Variants in NCAM2 observed in about 807,000 individuals in gnomAD.
NCAM2 encodes N-CAM-2.
NCAM2 carries 30 observed loss-of-function variants against 98.1 expected under a neutral mutation model. The ratio of observed to expected loss-of-function variants is 0.31; its 90% CI spans 0.23 to 0.41. The LOEUF (loss-of-function observed/expected upper bound fraction) is 0.41, where lower values mean the gene tolerates loss of function less well. NCAM2 is among the 10% of genes least tolerant of loss of function. NCAM2 has a pLI of 1.00. For missense variants in NCAM2, 867 were observed against 1,005.8 expected (o/e 0.86, Z 1.87); for synonymous variants, 368 against 342.4 (o/e 1.07, Z -0.83).
chr21:21,373,354 C>A (rs1316464569), intron 8 of NCAM2, among the ~76,000 whole-genome samples: 1 of 151,534 alleles, frequency 6.6e-6, no homozygotes, highest in Non-Finnish European at 1.5e-5. Flanking sequence ...ATTTTTAATA[C>A]AATATGAAAT....
At chr21:21,221,986 C>T (rs763836496) in intron 1 of NCAM2, among the ~76,000 whole-genome samples, 2 of 152,032 alleles carry the variant, frequency 1.3e-5, no homozygotes, top group Non-Finnish European at 2.9e-5. Flanking sequence ...AATTTGAAGC[C>T]AATGCTTATT....
chr21:21,444,279 T>C (rs537329075), intron 12 of NCAM2, among the ~76,000 whole-genome samples: 4 of 152,314 alleles, frequency 2.6e-5, no homozygotes, highest in African/African-American at 9.6e-5. Flanking sequence ...ATCAGGGATA[T>C]TGGCGTGAAG....
chr21:21,413,493 G>C (rs2076928183), intron 10 of NCAM2, among the ~76,000 whole-genome samples: 1 of 152,082 alleles, frequency 6.6e-6, no homozygotes, highest in Non-Finnish European at 1.5e-5. Context: ...ATTTTTAGCT[G>C]GATACAGATA....
chr21:21,474,404 T>C (rs1397601184), intron 14 of NCAM2, among the ~76,000 whole-genome samples: 1 of 152,154 alleles, frequency 6.6e-6, no homozygotes, highest in Non-Finnish European at 1.5e-5. Flanking sequence ...TGCCTTGTGT[T>C]TGTACAGAAG....
chr21:21,345,941 A>T (rs2075174973), intron 8 of NCAM2, among the ~76,000 whole-genome samples: 1 of 152,102 alleles, frequency 6.6e-6, no homozygotes, highest in Non-Finnish European at 1.5e-5. Context: ...CACCAGAGAA[A>T]ATCACCCTCA....
At chr21:21,044,924 G>A (rs1601189265) in intron 1 of NCAM2, among the ~76,000 whole-genome samples, 1 of 152,048 alleles carries the variant, frequency 6.6e-6, no homozygotes, top group South Asian at 2.1e-4. Context: ...ATGCATGTTT[G>A]TATGTATGTG....
In NCAM2 at chr21:21,530,295, TAATTA is replaced by T. The variant is rs1193651568; in HGVS notation, c.2283-4231_2283-4227del. On this transcript the variant is annotated intron_variant, in intron 16 of 17. Transcript: ENST00000400546. ...ATATATAATTTAATTTAATTATATA[TAATTA>T]AATTAAATTATATATAATTAAATTA... 8.0e-4 allele frequency among the ~76,000 whole-genome samples: 78 copies of T among 97,992 alleles called. 1 individual carries two copies. The highest frequency in any genetic ancestry group is 1.0e-3 in the South Asian group (3 of 3,010). 64.3% of individuals were successfully genotyped at this position (97,992 alleles called of 152,430 possible). A position where few individuals can be genotyped will look rare whatever the true frequency, so the allele number is the denominator to read the frequency against.
At chr21:21,437,116 T>C (rs1978471473) in intron 12 of NCAM2, among the ~76,000 whole-genome samples, 1 of 152,054 alleles carries the variant, frequency 6.6e-6, no homozygotes, top group African/African-American at 2.4e-5. Context: ...AAAGTGTTTA[T>C]GAGAGATTAA....
Position 21,418,390 on chromosome 21 carries a change from G to A in NCAM2, c.1384-83G>A, listed in dbSNP as rs191262226. ...TTGTTGGGTAAAAAATGAAATGTGT[G>A]AAAGTGGTAGTCATACTGGGGTTTA... On this transcript the variant is annotated intron_variant, in intron 10 of 17. Coordinates refer to ENST00000400546, the MANE Select transcript of NCAM2 (RefSeq NM_004540.5). 3 of 954,684 alleles carry A rather than the reference G, an allele frequency of 3.1e-6. No homozygotes were observed. In the African/African-American group the frequency reaches 4.9e-5, roughly 16 times the overall value. 59.1% of individuals were successfully genotyped at this position (954,684 alleles called of 1,614,324 possible). A position where few individuals can be genotyped will look rare whatever the true frequency, so the allele number is the denominator to read the frequency against.
chr21:21,486,284 A>G (rs1014563386), intron 15 of NCAM2, among the ~76,000 whole-genome samples: 9 of 139,886 alleles, frequency 6.4e-5, no homozygotes, highest in Non-Finnish European at 1.2e-4. Context: ...AGCCTGGGCA[A>G]CAGAGCGAGA....
In NCAM2 at chr21:21,530,202, T is replaced by C. The variant is rs1357032343; in HGVS notation, c.2283-4335T>C. ...TATATGATTTAATTTAATTTAATTA[T>C]ATATAATTTAATTTAATTTAATTAT... is the stretch of plus-strand genomic sequence containing the variant. On this transcript the variant is annotated intron_variant, in intron 16 of 17. Coordinates refer to ENST00000400546, the MANE Select transcript of NCAM2 (RefSeq NM_004540.5). Among the ~76,000 whole-genome samples, 33 of 76,156 alleles carry C rather than the reference T, an allele frequency of 4.3e-4. No individual in the cohort carries two copies. The South Asian group carries it at 0.01, about 23-fold the overall frequency. The allele number at this position is 76,156 out of a possible 152,430, so 50.0% of individuals were successfully genotyped here.
intron 1 of NCAM2, among the ~76,000 whole-genome samples, chr21:21,195,700 T>C (rs1226270271): frequency 2.0e-5 from 3 of 152,248 alleles, no homozygotes; most frequent in Admixed American, 1.3e-4. Context: ...CTGATGTGTG[T>C]TTGATCAACT....
intron 11 of NCAM2, among the ~76,000 whole-genome samples, chr21:21,431,123 TTGTGTGTGTGTG>T (rs3037969): frequency 7.1e-6 from 1 of 141,170 alleles, no homozygotes; most frequent in Non-Finnish European, 1.5e-5. Context: ...TAATATATGT[TTGTGTGTGTGTG>T]TGTGTGTGTG....
intron 1 of NCAM2, among the ~76,000 whole-genome samples, chr21:21,165,938 A>T (rs1454397536): frequency 6.6e-6 from 1 of 152,106 alleles, no homozygotes; most frequent in Non-Finnish European, 1.5e-5. Context: ...ATTTAATTTG[A>T]CTATGCTATG....
At chr21:21,197,210 A>C (rs926288147) in intron 1 of NCAM2, among the ~76,000 whole-genome samples, 1 of 152,240 alleles carries the variant, frequency 6.6e-6, no homozygotes, top group East Asian at 1.9e-4. Context: ...GCTCACTGCA[A>C]CTTCTGCCTC....
chr21:21,352,269 CTGT>C (rs200566978), intron 8 of NCAM2, among the ~76,000 whole-genome samples: 42 of 152,118 alleles, frequency 2.8e-4, no homozygotes, highest in East Asian at 1.2e-3. Context: ...TTTTATTTGG[CTGT>C]TGTTGTTGGT....
chr21:21,035,682 A>C (rs574757184), intron 1 of NCAM2, among the ~76,000 whole-genome samples: 1 of 152,254 alleles, frequency 6.6e-6, no homozygotes, highest in Admixed American at 6.5e-5. Context: ...ATGATCTCAA[A>C]CTTGTCAGAA....
At chr21:21,266,553 G>T (rs1244033655) in intron 1 of NCAM2, among the ~76,000 whole-genome samples, 2 of 152,080 alleles carry the variant, frequency 1.3e-5, no homozygotes, top group Non-Finnish European at 2.9e-5. Flanking sequence ...AAAAAAGGAT[G>T]AGTGCGTGTC....
intron 17 of NCAM2, among the ~76,000 whole-genome samples, chr21:21,536,965 GA>G (rs898550457): frequency 6.6e-6 from 1 of 152,042 alleles, no homozygotes; most frequent in Non-Finnish European, 1.5e-5. Flanking sequence ...AAAACAATGT[GA>G]AAAGAGACAA....
Sources: allele counts gnomAD v4.1 joint callset (sites outside exome capture counted in the v4.1 genomes callset), GRCh38; gene constraint gnomAD v4.1.1; transcripts MANE v1.5; gene names NCBI Gene and HGNC (gene_info 2026-07-23, HGNC 2026-07-21).